The following CFAP36 variants were observed in gnomAD, a reference collection of about 807,000 sequenced individuals.
CFAP36 encodes the protein cilia- and flagella-associated protein 36.
In CFAP36, 37 loss-of-function variants were observed where a neutral mutation model predicts 50.5. The observed-to-expected ratio is 0.73, with a 90% CI of 0.56 to 0.96. The LOEUF (loss-of-function observed/expected upper bound fraction) is 0.96, where lower values mean the gene tolerates loss of function less well. CFAP36 is among the 50% of genes least tolerant of loss of function. The pLI is 0.00. For synonymous variants in CFAP36, 138 were observed against 128.2 expected (o/e 1.08, Z -0.52); for missense variants, 407 against 396.2 (o/e 1.03, Z -0.23).
chr2:55,543,791 A>G (rs530910274), intron 7 of CFAP36, 147 bp from the exon 8 acceptor site: 2 of 771,534 alleles, frequency 2.6e-6, no homozygotes, highest in Admixed American at 2.4e-5. Flanking sequence ...AGTGGCTGGC[A>G]CAGTATAGGC....
At chr2:55,542,757 CTG>C (rs1461985597) in intron 7 of CFAP36, among the ~76,000 whole-genome samples, 2 of 152,218 alleles carry the variant, frequency 1.3e-5, no homozygotes, top group Admixed American at 6.5e-5. Context: ...TTCTCCAGTT[CTG>C]TGAGTCCACT....
Position 55,537,445 on chromosome 2 carries a change from G to A in CFAP36, c.538-38G>A, listed in dbSNP as rs181670676. 470 of 1,324,000 alleles carry A rather than the reference G, an allele frequency of 3.5e-4. 1 individual carries two copies. In the African/African-American group the frequency reaches 6.1e-3, roughly 17 times the overall value. 82.0% of individuals were successfully genotyped at this position (1,324,000 alleles called of 1,614,324 possible). A position where few individuals can be genotyped will look rare whatever the true frequency, so the allele number is the denominator to read the frequency against. On this transcript the variant is annotated intron_variant, in intron 6 of 9. Coordinates refer to ENST00000349456, the MANE Select transcript of CFAP36 (RefSeq NM_080667.7). Reference sequence around the variant, plus strand: ...GAATTAGTTAAAATGAATCTAAATTGTGTGTTTTTTAAAAAATTGTATTAT... The same window carrying A: ...GAATTAGTTAAAATGAATCTAAATTATGTGTTTTTTAAAAAATTGTATTAT...
chr2:55,527,265 T>A (rs1684232871), intron 3 of CFAP36, among the ~76,000 whole-genome samples: 1 of 151,958 alleles, frequency 6.6e-6, no homozygotes, highest in Non-Finnish European at 1.5e-5. Flanking sequence ...AGTTAGAAAA[T>A]CAGTAAAGAC....
chr2:55,538,953 A>T, intron 7 of CFAP36: 1 of 1,405,506 alleles, frequency 7.1e-7, no homozygotes. Flanking sequence ...ACCTTTCTTT[A>T]ATATGCCTAA....
At chr2:55,520,700 G>C (rs1684039303) in intron 1 of CFAP36, among the ~76,000 whole-genome samples, 1 of 152,214 alleles carries the variant, frequency 6.6e-6, no homozygotes. Context: ...ATATAAATGA[G>C]TGCCCAAGCG....
intron 7 of CFAP36, chr2:55,539,037 G>A: frequency 1.3e-6 from 1 of 796,090 alleles, no homozygotes; most frequent in Non-Finnish European, 1.7e-6. Context: ...CCCTGCCCTA[G>A]TACATGCCTA....
At chr2:55,544,178 A>C (rs764785510) in intron 8 of CFAP36, 42 bp from the exon 9 acceptor site, 1 of 1,608,664 alleles carries the variant, frequency 6.2e-7, no homozygotes, top group Non-Finnish European at 8.5e-7. Context: ...TACTTACTAA[A>C]TGGATTTGAA....
In CFAP36 at chr2:55,523,248, C is replaced by CAA. The variant is rs34360176; in HGVS notation, c.181-457_181-456dup. Among the ~76,000 whole-genome samples the CAA allele has an allele frequency of 7.6e-4, 107 of 140,410 alleles. 1 individual carries two copies. The highest frequency in any genetic ancestry group is 2.3e-3 in the African/African-American group (87 of 38,086). 92.1% of individuals were successfully genotyped at this position (140,410 alleles called of 152,430 possible). A position where few individuals can be genotyped will look rare whatever the true frequency, so the allele number is the denominator to read the frequency against. ...CAACATGGTGCAACGCCATCTCTAC[C>CAA]AAAAAAAAAAAAAAAAATTAGTCGG... is the stretch of plus-strand genomic sequence containing the variant. On this transcript the variant is annotated intron_variant, in intron 2 of 9. Transcript: ENST00000349456.
chr2:55,520,284 A>G (rs1684026344), intron 1 of CFAP36: 17 of 906,410 alleles, frequency 1.9e-5, no homozygotes, highest in Non-Finnish European at 2.8e-5. Flanking sequence ...GGGCTTCTTC[A>G]ACAGCTTTGC....
chr2:55,529,183 A>C (rs1684288794), intron 4 of CFAP36, among the ~76,000 whole-genome samples, 191 bp downstream of exon 4: 1 of 152,088 alleles, frequency 6.6e-6, no homozygotes. Context: ...GCACTTTGGG[A>C]GGCTGAGGCG....
chr2:55,525,086 G>A lies in CFAP36; in HGVS notation c.282+1264G>A, dbSNP rs540897882. Among the ~76,000 whole-genome samples the A allele has an allele frequency of 2.4e-3, 369 of 152,228 alleles. 2 individuals carry two copies. The highest frequency in any genetic ancestry group is 7.1e-3 in the African/African-American group (297 of 41,540). ...TAGTAGAGCCAGTATCCCCAGCCCA[G>A]GCAAGCCAACTGAGTGCCCTTGCTC... On this transcript the variant is annotated intron_variant, in intron 3 of 9. Transcript: ENST00000349456.
chr2:55,529,864 T>A (rs1311055134), intron 4 of CFAP36, among the ~76,000 whole-genome samples: 1 of 152,058 alleles, frequency 6.6e-6, no homozygotes, highest in African/African-American at 2.4e-5. Flanking sequence ...GCCAGGATGG[T>A]CTCGATCTCC....
intron 6 of CFAP36, chr2:55,535,978 G>A: frequency 4.0e-5 from 36 of 901,362 alleles, no homozygotes; most frequent in South Asian, 7.4e-5. Flanking sequence ...ATACTTAACT[G>A]TATATAGTAC....
intron 6 of CFAP36, among the ~76,000 whole-genome samples, chr2:55,536,463 T>G (rs1366165302): frequency 6.6e-6 from 1 of 151,736 alleles, no homozygotes; most frequent in Admixed American, 6.6e-5. Flanking sequence ...TATTTATTTA[T>G]TTTTTTGGAG....
intron 4 of CFAP36, among the ~76,000 whole-genome samples, chr2:55,529,558 T>C (rs952060150): frequency 1.3e-5 from 2 of 152,236 alleles, no homozygotes; most frequent in Admixed American, 6.6e-5. Flanking sequence ...TTGAGTATTT[T>C]TGAATGGTCA....
intron 9 of CFAP36, 39 bp from the exon 10 acceptor site, chr2:55,544,868 C>A: frequency 7.4e-7 from 1 of 1,345,034 alleles, no homozygotes; most frequent in Non-Finnish European, 1.0e-6. Flanking sequence ...ACAAATTACC[C>A]TATTTCATAC....
chr2:55,525,726 G>A (rs1373098342), intron 3 of CFAP36, among the ~76,000 whole-genome samples: 4 of 152,074 alleles, frequency 2.6e-5, no homozygotes, highest in Admixed American at 6.6e-5. Flanking sequence ...CGTCTCCTAG[G>A]TTCAAGTGAT....
intron 1 of CFAP36, among the ~76,000 whole-genome samples, chr2:55,521,685 A>G (rs959916998): frequency 3.4e-5 from 5 of 147,380 alleles, no homozygotes; most frequent in Admixed American, 6.9e-5. Flanking sequence ...GCTGGAGTGC[A>G]GTGGTGCAAT....
intron 2 of CFAP36, 118 bp downstream of exon 2, chr2:55,522,284 TA>T: frequency 1.7e-6 from 1 of 576,124 alleles, no homozygotes; most frequent in South Asian, 2.6e-5. Flanking sequence ...AAATCCAATC[TA>T]CCTTAACAAT....
Sources: gnomAD v4.1 joint callset for allele counts (sites outside exome capture counted in the v4.1 genomes callset) on GRCh38, gnomAD v4.1.1 for gene constraint, MANE v1.5 for transcripts, NCBI Gene and HGNC (gene_info 2026-07-23, HGNC 2026-07-21) for gene names.